The following PAX6 variants were observed in gnomAD, a reference collection of about 807,000 sequenced individuals.
PAX6 encodes paired box 6.
In PAX6, 7 loss-of-function variants were observed where a neutral mutation model predicts 60.7. That is an observed-to-expected ratio of 0.12 (90% CI 0.07 to 0.22). PAX6 has a LOEUF of 0.22. Among genes scored for constraint, PAX6 ranks in the 10% least tolerant of loss-of-function variants. The probability of loss-of-function intolerance (pLI) is 1.00; values close to 1 mark genes in which losing one functional copy is unlikely to be tolerated. For missense variants in PAX6, 355 were observed against 555.2 expected, an observed-to-expected ratio of 0.64 and a Z score of 3.62; for synonymous variants, 208 against 201.2, an observed-to-expected ratio of 1.03 and a Z score of -0.29.
intron 4 of PAX6, chr11:31,805,049 G>C (rs894599228): frequency 4.6e-5 from 7 of 152,388 alleles, no homozygotes; most frequent in Non-Finnish European, 1.0e-4. Context: ...CCTAGAACTC[G>C]ACCGCGAAGC....
chr11:31,806,527 C>T, intron 3 of PAX6, 65 bp from the exon 4 acceptor site: 1 of 1,243,406 alleles, frequency 8.0e-7, no homozygotes. Flanking sequence ...AACTCCCAAC[C>T]GAGGTGGACC....
upstream of PAX6, among the ~76,000 whole-genome samples, chr11:31,813,483 C>T (rs1265018372): frequency 2.6e-5 from 4 of 151,742 alleles, no homozygotes; most frequent in African/African-American, 9.7e-5. Flanking sequence ...CCTTCTTAAG[C>T]TTTGCCTCGG....
chr11:31,817,663 T>G (rs1271706340), intron 1 of PAX6: 1 of 152,256 alleles, frequency 6.6e-6, no homozygotes, highest in African/African-American at 2.4e-5. Flanking sequence ...AGTAACTCGC[T>G]TCCATCTTTG....
chr11:31,795,508 T>C (rs1434094464), intron 8 of PAX6, among the ~76,000 whole-genome samples: 1 of 152,240 alleles, frequency 6.6e-6, no homozygotes, highest in African/African-American at 2.4e-5. Context: ...CTTTGTAATG[T>C]GTTGCACCAG....
intron 8 of PAX6, among the ~76,000 whole-genome samples, chr11:31,798,501 CTG>C (rs1952411496): frequency 6.6e-6 from 1 of 152,188 alleles, no homozygotes; most frequent in Admixed American, 6.5e-5. Context: ...ACCAAAAAGT[CTG>C]AGGATTCCCC....
At chr11:31,808,366 A>C (rs1592631540) in intron 2 of PAX6, 1 of 152,134 alleles carries the variant, frequency 6.6e-6, no homozygotes, top group Non-Finnish European at 1.5e-5. Flanking sequence ...GTTACTAGTT[A>C]CCCTTATCTA....
intron 10 of PAX6, 95 bp downstream of exon 10, chr11:31,793,937 C>T (rs901655443): frequency 2.0e-5 from 25 of 1,261,548 alleles, no homozygotes; most frequent in Non-Finnish European, 3.5e-6. Flanking sequence ...TATATTAGTC[C>T]TATAAATAAA....
chr11:31,802,978 G>A (rs1954611258), intron 4 of PAX6, 144 bp from the exon 5 acceptor site: 2 of 849,082 alleles, frequency 2.4e-6, no homozygotes, highest in South Asian at 1.5e-5. Context: ...AGAAGGAGAG[G>A]AGGAGGAGAC....
upstream of PAX6, chr11:31,811,532 A>G (rs1957018281): frequency 1.1e-5 from 3 of 264,406 alleles, no homozygotes; most frequent in Admixed American, 1.6e-4. Context: ...GCTCGCCTGC[A>G]TCTCCCCGCT....
intron 1 of PAX6, chr11:31,816,607 G>A (rs967598424): frequency 1.4e-6 from 1 of 702,452 alleles, no homozygotes. Flanking sequence ...GCTCCAGGGA[G>A]AGGAACCCGC....
At position 31,789,323 on chromosome 11, in the gene PAX6, CT is replaced by C. The variant is rs369801879; in HGVS notation, c.*610del. 33 of 246,894 alleles carry C rather than the reference CT, an allele frequency of 1.3e-4. No homozygotes were observed. Among genetic ancestry groups the C allele is most frequent in the Admixed American group, 9.6e-4 (18 of 18,672 alleles). 15.3% of individuals were successfully genotyped at this position (246,894 alleles called of 1,614,324 possible). A position where few individuals can be genotyped will look rare whatever the true frequency, so the allele number is the denominator to read the frequency against. On this transcript the variant is annotated 3_prime_UTR_variant, in exon 14 of 14. Transcript: ENST00000640368. Reference sequence around the variant, plus strand: ...ACACACTCTACCTTTTAGCTATCAACTTTTTTTCTTCCTTGAATTTATATCT... The same window carrying C: ...ACACACTCTACCTTTTAGCTATCAACTTTTTTCTTCCTTGAATTTATATCT...
Position 31,802,722 on chromosome 11 carries a change from G to A in PAX6, c.123C>T (p.Asp41=), listed in dbSNP as rs757338362. The change falls in exon 5 of 14, where the codon GAC becomes GAT. Residue 41 remains aspartate (D), a synonymous_variant. Coordinates refer to ENST00000640368, the MANE Select transcript of PAX6 (RefSeq NM_001368894.2). ...ELAHSGARPC[D]ISRILQTHAD... ...GGATCACCTGCAGAATTCGGGAAAT[G>A]TCGCACGGCCGGGCCCCGCTGTGAG... 6.2e-7 allele frequency: 1 copy of A among 1,613,116 alleles called. No homozygotes were observed. The highest frequency in any genetic ancestry group is 1.1e-5 in the South Asian group (1 of 90,976).
rs1326972158 is a variant in PAX6 at position 31,793,661 on chromosome 11, T to A, written c.949A>T (p.Thr317Ser). Residue 317 changes from threonine to serine, a missense_variant, in exon 11 of 14, where the codon ACC becomes TCC. This residue lies in a region of PAX6 where 149 missense variants were observed against 191.9 expected (regional missense o/e 0.78). Coordinates refer to ENST00000640368, the MANE Select transcript of PAX6 (RefSeq NM_001368894.2). Reference sequence around the variant, plus strand: ...TAGTATTTCAAATTACCCGGTGTGGTGGGTTGTGGAATTGGTTGGTAGACA... The same window carrying A: ...TAGTATTTCAAATTACCCGGTGTGGAGGGTTGTGGAATTGGTTGGTAGACA... Reference protein sequence around the residue: ...TSVYQPIPQPTTPVSSFTSGS... With the variant: ...TSVYQPIPQPSTPVSSFTSGS... The A allele has an allele frequency of 6.2e-7, 1 of 1,614,128 alleles. No homozygotes were observed. Among genetic ancestry groups the A allele is most frequent in the Non-Finnish European group, 8.5e-7 (1 of 1,180,010 alleles).
intron 5 of PAX6, 89 bp from the exon 6 acceptor site, chr11:31,802,001 A>G (rs1396629647): frequency 1.5e-5 from 15 of 1,028,042 alleles, no homozygotes; most frequent in Non-Finnish European, 1.4e-5. Context: ...CCTAAAAACT[A>G]CAAATATGAT....
intron 8 of PAX6, among the ~76,000 whole-genome samples, chr11:31,798,582 G>T (rs1352192169): frequency 1.3e-5 from 2 of 152,118 alleles, no homozygotes; most frequent in African/African-American, 4.8e-5. Flanking sequence ...GCTTCGTTTG[G>T]CCCACGTGTC....
chr11:31,789,912 C>CTTTTTTTTTTTTTTTTTTT lies in PAX6; in HGVS notation c.*3_*21dup. On this transcript the variant is annotated 3_prime_UTR_variant, in exon 14 of 14. Coordinates refer to ENST00000640368, the MANE Select transcript of PAX6 (RefSeq NM_001368894.2). The stretch of plus-strand genomic sequence containing the variant: ...CTGAATTAACACAATATTTCCTTTC[C>CTTTTTTTTTTTTTTTTTTT]TTTTTTTTTTTTTTTTTTTTTTTAC... 2.9e-6 allele frequency: 3 copies of CTTTTTTTTTTTTTTTTTTT among 1,046,002 alleles called. No individual in the cohort carries two copies. The highest frequency in any genetic ancestry group is 2.6e-5 in the East Asian group (1 of 38,808). The allele number at this position is 1,046,002 out of a possible 1,614,324, so 64.8% of individuals were successfully genotyped here.
chr11:31,812,572 C>T (rs541732137), upstream of PAX6: 1 of 152,570 alleles, frequency 6.6e-6, no homozygotes, highest in Non-Finnish European at 1.5e-5. Context: ...TAGGACACAC[C>T]TCAGTACACT....
At chr11:31,811,763 G>C (rs1421240636), upstream of PAX6, 1 of 144,370 alleles carries the variant, frequency 6.9e-6, no homozygotes, top group Non-Finnish European at 1.5e-5. Context: ...ATCCCAGCCG[G>C]GGCCCCAAGA....
At chr11:31,793,267 A>G (rs1426743714) in intron 12 of PAX6, 171 bp downstream of exon 12, 1 of 710,342 alleles carries the variant, frequency 1.4e-6, no homozygotes, top group Non-Finnish European at 2.6e-6. Flanking sequence ...TAATGAGTCA[A>G]TCACTTAAAA....
Sources: gnomAD v4.1 joint callset for allele counts (sites outside exome capture counted in the v4.1 genomes callset) on GRCh38, gnomAD v4.1.1 for gene constraint, gnomAD v4.1.1 regional missense constraint, MANE v1.5 for transcripts, NCBI Gene and HGNC (gene_info 2026-07-23, HGNC 2026-07-21) for gene names.